The following MASP1 variants were observed in gnomAD, a reference collection of about 807,000 sequenced individuals.
MASP1 encodes the protein MBL associated serine protease 1, also known as mannan-binding lectin serine protease 1.
MASP1 carries 59 observed loss-of-function variants against 77.1 expected under a neutral mutation model. The observed-to-expected ratio is 0.77, with a 90% confidence interval of 0.62 to 0.95. The LOEUF is 0.95. MASP1 is among the 40% of genes least tolerant of loss of function. The pLI is 0.00. For synonymous variants in MASP1, 362 were observed against 354.5 expected (o/e 1.02, Z -0.24); for missense variants, 885 against 912.9 (o/e 0.97, Z 0.39).
chr3:187,269,489 G>A (rs1013209674), intron 2 of MASP1, among the ~76,000 whole-genome samples: 1 of 152,268 alleles, frequency 6.6e-6, no homozygotes, highest in African/African-American at 2.4e-5. Flanking sequence ...ATTTCTTACA[G>A]AAAGGAAAGA....
At chr3:187,270,822 C>T (rs1190354059) in intron 2 of MASP1, among the ~76,000 whole-genome samples, 5 of 152,206 alleles carry the variant, frequency 3.3e-5, no homozygotes, top group Non-Finnish European at 7.3e-5. Flanking sequence ...CTGGCATTCA[C>T]TATCAGCTAC....
chr3:187,284,018 C>T (rs183423834), intron 2 of MASP1, among the ~76,000 whole-genome samples: 11 of 152,220 alleles, frequency 7.2e-5, no homozygotes, highest in African/African-American at 1.4e-4. Flanking sequence ...AGTGAAGACC[C>T]CCCTGGTTGA....
At chr3:187,274,270 C>T (rs1203171240) in intron 2 of MASP1, among the ~76,000 whole-genome samples, 2 of 151,890 alleles carry the variant, frequency 1.3e-5, no homozygotes, top group Non-Finnish European at 2.9e-5. Context: ...TGGAACTTTC[C>T]AGTTGACAGG....
At chr3:187,240,098 G>A (rs563556405) in intron 10 of MASP1, among the ~76,000 whole-genome samples, 4 of 151,562 alleles carry the variant, frequency 2.6e-5, no homozygotes, top group South Asian at 2.1e-4. Context: ...TTCACCTTCC[G>A]CCATGATTGT....
downstream of MASP1, among the ~76,000 whole-genome samples, chr3:187,230,095 G>T (rs1442531968): frequency 6.6e-6 from 1 of 152,222 alleles, no homozygotes; most frequent in African/African-American, 2.4e-5. Flanking sequence ...TGCAGCTAGA[G>T]TTGGATTGAC....
chr3:187,223,803 G>T (rs1473605127), intron 13 of MASP1, among the ~76,000 whole-genome samples: 1 of 152,190 alleles, frequency 6.6e-6, no homozygotes, highest in Non-Finnish European at 1.5e-5. Context: ...AAAGAGCCTG[G>T]ATACTGAAAA....
intron 13 of MASP1, among the ~76,000 whole-genome samples, chr3:187,223,443 C>T (rs1712188373): frequency 1.3e-5 from 2 of 152,212 alleles, no homozygotes. Context: ...CTGTCCCACC[C>T]TCAACTAGTC....
rs773026309 is a variant in MASP1, at chr3:187,241,465, TTGGAG to T, written c.1303+11_1303+15del. The T allele has an allele frequency of 6.2e-7, 1 of 1,610,924 alleles. No individual in the cohort carries two copies. Among genetic ancestry groups the T allele is most frequent in the African/African-American group, 1.3e-5 (1 of 74,870 alleles). ...GATGGAAAACTGTGAGGCAAAGGAT[TTGGAG>T]GGTGAGGTACCTGGAAGGCAGGTGG... On this transcript the variant is annotated intron_variant, in intron 10 of 10. Coordinates refer to ENST00000296280, the MANE Select transcript of MASP1 (RefSeq NM_139125.4).
At chr3:187,255,272 A>G (rs1245732212) in intron 5 of MASP1, among the ~76,000 whole-genome samples, 1 of 152,166 alleles carries the variant, frequency 6.6e-6, no homozygotes, top group Non-Finnish European at 1.5e-5. Flanking sequence ...GGCCAATGTA[A>G]AAGTATCTGA....
intron 2 of MASP1, among the ~76,000 whole-genome samples, chr3:187,273,575 T>G (rs1368883989): frequency 6.6e-6 from 1 of 152,190 alleles, no homozygotes; most frequent in Non-Finnish European, 1.5e-5. Context: ...GCGAGCTCGG[T>G]ACTCCTGAGC....
chr3:187,220,347 G>T (rs1711971512), intron 15 of MASP1: 3 of 1,284,610 alleles, frequency 2.3e-6, no homozygotes, highest in Admixed American at 2.0e-5. Context: ...GTAGTTCAGA[G>T]AATTGGGCAC....
At chr3:187,262,517 G>A in intron 3 of MASP1, 26 bp downstream of exon 3, 2 of 1,612,368 alleles carry the variant, frequency 1.2e-6, no homozygotes, top group East Asian at 2.2e-5. Flanking sequence ...AGAGAGACCT[G>A]AGGATGAGTC....
chr3:187,251,827 C>A (rs1171086539), intron 6 of MASP1, 75 bp from the exon 7 acceptor site: 13 of 1,129,192 alleles, frequency 1.2e-5, no homozygotes, highest in Non-Finnish European at 1.6e-5. Flanking sequence ...CCCTAGAAAG[C>A]AAGGCCTGAT....
At chr3:187,246,822 C>A in intron 8 of MASP1, 1 of 993,894 alleles carries the variant, frequency 1.0e-6, no homozygotes, top group Non-Finnish European at 1.2e-6. Flanking sequence ...TTCAGATTCT[C>A]AAAAATCCAC....
At chr3:187,287,429 T>C (rs1717954715) in intron 1 of MASP1, among the ~76,000 whole-genome samples, 1 of 152,236 alleles carries the variant, frequency 6.6e-6, no homozygotes. Context: ...CACAAGCCAC[T>C]GCTCCCTGCA....
At position 187,220,492 on chromosome 3, in the gene MASP1, C is replaced by CTTTTTTTTTTTTTT. The variant is rs747532550; in HGVS notation, c.1910-232_1910-231insAAAAAAAAAAAAAA. On this transcript the variant is annotated intron_variant, in intron 15 of 15. Coordinates refer to the MASP1 transcript ENST00000337774. ...TTCTTTTCTTTTCTTTTTCTTTTTT[C>CTTTTTTTTTTTTTT]TTTCTTTTTTTTTTTTTTTTTGAGA... 2.8e-4 allele frequency among the ~76,000 whole-genome samples: 37 copies of CTTTTTTTTTTTTTT among 134,542 alleles called. 1 individual carries two copies. The highest frequency in any genetic ancestry group is 3.4e-3 in the Middle Eastern group (1 of 290). 88.3% of individuals were successfully genotyped at this position (134,542 alleles called of 152,430 possible).
chr3:187,229,610 G>T, downstream of MASP1: 1 of 1,025,112 alleles, frequency 9.8e-7, no homozygotes, highest in Non-Finnish European at 1.4e-6. Flanking sequence ...GACAGACCAG[G>T]ATCCAGTCTA....
intron 5 of MASP1, 168 bp downstream of exon 5, chr3:187,256,496 T>C (rs1715087147): frequency 1.4e-6 from 1 of 705,428 alleles, no homozygotes; most frequent in Non-Finnish European, 2.5e-6. Context: ...ATTCCTGGAA[T>C]AGATCTAACT....
In MASP1 at chr3:187,235,438, C is replaced by T. The variant is rs850313; in HGVS notation, c.*246G>A. 3 of 1,502,594 alleles carry T rather than the reference C, an allele frequency of 2.0e-6. No homozygotes were observed. Among genetic ancestry groups the T allele is most frequent in the Non-Finnish European group, 2.7e-6 (3 of 1,127,150 alleles). The allele number at this position is 1,502,594 out of a possible 1,614,324, so 93.1% of individuals were successfully genotyped here. A position where few individuals can be genotyped will look rare whatever the true frequency, so the allele number is the denominator to read the frequency against. Reference sequence around the variant, plus strand: ...GGTTGAGCTCCTGCATTGTATTACTCGGTAGAGTGAGGCCCAGACAGGGAA... The same window carrying T: ...GGTTGAGCTCCTGCATTGTATTACTTGGTAGAGTGAGGCCCAGACAGGGAA... On this transcript the variant is annotated 3_prime_UTR_variant, in exon 11 of 11. Coordinates refer to ENST00000296280, the MANE Select transcript of MASP1 (RefSeq NM_139125.4).
Sources: allele counts gnomAD v4.1 joint callset (sites outside exome capture counted in the v4.1 genomes callset), GRCh38; gene constraint gnomAD v4.1.1; transcripts MANE v1.5; gene names NCBI Gene and HGNC (gene_info 2026-07-23, HGNC 2026-07-21).